ARID5B: variants seen among roughly 807,000 people sequenced by gnomAD.
ARID5B encodes the protein AT-rich interaction domain 5B, also known as AT-rich interactive domain-containing protein 5B.
Under a neutral mutation model 97.2 loss-of-function variants are expected in ARID5B, and 13 were observed. The ratio of observed to expected loss-of-function variants is 0.13; its 90% confidence interval spans 0.09 to 0.21. The LOEUF (loss-of-function observed/expected upper bound fraction) is 0.21. Ranked by LOEUF, ARID5B falls within the 10% of genes least tolerant of loss-of-function variation. The probability of loss-of-function intolerance (pLI) is 1.00; values close to 1 mark genes in which losing one functional copy is unlikely to be tolerated. For missense variants in ARID5B, 1,210 were observed against 1,465.3 expected (o/e 0.83, Z 2.84); for synonymous variants, 556 against 570.3 (o/e 0.97, Z 0.36).
At chr10:62,067,233 CG>C (rs1840004953) in intron 7 of ARID5B, among the ~76,000 whole-genome samples, 1 of 152,094 alleles carries the variant, frequency 6.6e-6, no homozygotes, top group Non-Finnish European at 1.5e-5. Context: ...TACAGGCATG[CG>C]CCACCACCCC....
chr10:62,092,046 G>A lies in ARID5B; in HGVS notation c.2583G>A (p.Met861Ile). 6.2e-7 allele frequency: 1 copy of A among 1,614,118 alleles called. No individual in the cohort carries two copies. Residue 861 changes from methionine to isoleucine, a missense_variant, in exon 10 of 10, where the codon ATG becomes ATA. Met to Ile is a conservative substitution (Grantham distance 10). Transcript: ENST00000279873. ...CATCCAAATACCCTTCCAGGGACATGTACAGGGAATCGGAAAACAGTTCTT... is the reference window on the plus strand; with the variant it reads ...CATCCAAATACCCTTCCAGGGACATATACAGGGAATCGGAAAACAGTTCTT... ...EQTSKYPSRD[M>I]YRESENSSFP...
chr10:62,050,946 A>T lies in ARID5B; in HGVS notation c.792A>T (p.Ser264=). The T allele has an allele frequency of 6.2e-7, 1 of 1,614,226 alleles. No individual in the cohort carries two copies. Among genetic ancestry groups the T allele is most frequent in the Non-Finnish European group, 8.5e-7 (1 of 1,180,018 alleles). Residue 264 remains serine (S), a synonymous_variant, in exon 5 of 10, where the codon TCA becomes TCT. Coordinates refer to ENST00000279873, the MANE Select transcript of ARID5B (RefSeq NM_032199.3). ...KKKPCPQRRD[S]FSGVKDSNNN... ...AACCATGCCCACAAAGAAGAGATTC[A>T]TTCAGTGGTGTTAAGGATTCCAACA...
chr10:61,965,620 A>T (rs1318693533), intron 3 of ARID5B, among the ~76,000 whole-genome samples: 2 of 152,092 alleles, frequency 1.3e-5, no homozygotes, highest in Non-Finnish European at 2.9e-5. Context: ...CAGAAAAAAA[A>T]TTTTTTTCTA....
intron 2 of ARID5B, among the ~76,000 whole-genome samples, chr10:61,926,994 A>G (rs970190138): frequency 4.6e-5 from 7 of 152,098 alleles, no homozygotes; most frequent in African/African-American, 1.4e-4. Flanking sequence ...CAAAAACCAC[A>G]ATGACTTTTA....
chr10:62,056,706 C>T (rs1309014818), intron 5 of ARID5B, among the ~76,000 whole-genome samples: 1 of 152,122 alleles, frequency 6.6e-6, no homozygotes, highest in Admixed American at 6.5e-5. Flanking sequence ...TCTCTCATTT[C>T]ACATCAACAT....
At chr10:61,984,508 G>T (rs1838820014) in intron 3 of ARID5B, among the ~76,000 whole-genome samples, 1 of 152,204 alleles carries the variant, frequency 6.6e-6, no homozygotes, top group Non-Finnish European at 1.5e-5. Context: ...CATTGAACGT[G>T]GTCTTCCTTG....
chr10:62,092,873 C>G lies in ARID5B; in HGVS notation c.3410C>G (p.Ser1137Cys). The G allele has an allele frequency of 1.9e-6, 3 of 1,614,236 alleles. No homozygotes were observed. Among genetic ancestry groups the G allele is most frequent in the Non-Finnish European group, 2.5e-6 (3 of 1,180,038 alleles). The change falls in exon 10 of 10, where the codon TCT becomes TGT. Residue 1137 changes from serine (S) to cysteine (C), a missense_variant. Physicochemically the swap from Ser to Cys is moderately radical, Grantham distance 112 (BLOSUM62 -1). Coordinates refer to ENST00000279873, the MANE Select transcript of ARID5B (RefSeq NM_032199.3). ...QRGIFTSPTN[S>C]QQLYRHLAAA... ...GGAATTTTTACATCACCGACAAATT[C>G]TCAGCAGCTGTACAGACACTTGGCT...
intron 3 of ARID5B, among the ~76,000 whole-genome samples, chr10:61,964,418 C>A (rs1222675262): frequency 6.6e-6 from 1 of 152,186 alleles, no homozygotes; most frequent in Non-Finnish European, 1.5e-5. Context: ...GGGCAGGAAT[C>A]TGTCTAGTTT....
intron 4 of ARID5B, among the ~76,000 whole-genome samples, chr10:62,023,134 C>T (rs1182230767): frequency 2.6e-5 from 4 of 152,216 alleles, no homozygotes; most frequent in Non-Finnish European, 2.9e-5. Flanking sequence ...CTGTTTCACA[C>T]CCCTTACTAT....
At chr10:62,064,807 T>C (rs1227667049) in intron 7 of ARID5B, among the ~76,000 whole-genome samples, 1 of 152,162 alleles carries the variant, frequency 6.6e-6, no homozygotes, top group East Asian at 1.9e-4. Context: ...AGTCCCTCTC[T>C]GTGTTACCCA....
intron 2 of ARID5B, among the ~76,000 whole-genome samples, chr10:61,915,687 G>A (rs992283586): frequency 4.6e-5 from 7 of 152,148 alleles, no homozygotes; most frequent in African/African-American, 1.4e-4. Context: ...TTGAAAACAC[G>A]GCAAGCTAAG....
At chr10:62,014,951 C>T (rs1014812205) in intron 4 of ARID5B, among the ~76,000 whole-genome samples, 1 of 152,150 alleles carries the variant, frequency 6.6e-6, no homozygotes, top group Non-Finnish European at 1.5e-5. Context: ...TTTCTGTTCT[C>T]ACATACTTGC....
At chr10:61,996,393 T>C (rs765825512) in intron 3 of ARID5B, among the ~76,000 whole-genome samples, 4 of 152,092 alleles carry the variant, frequency 2.6e-5, no homozygotes, top group Admixed American at 1.3e-4. Flanking sequence ...TTTATCCTAA[T>C]GAAAAGTCCA....
intron 3 of ARID5B, among the ~76,000 whole-genome samples, chr10:61,995,693 G>A (rs1423168856): frequency 6.6e-6 from 1 of 152,080 alleles, no homozygotes; most frequent in Non-Finnish European, 1.5e-5. Flanking sequence ...GAAGAGACCT[G>A]GACCCAGACT....
At chr10:61,921,192 G>A (rs1844008410) in intron 2 of ARID5B, among the ~76,000 whole-genome samples, 1 of 152,194 alleles carries the variant, frequency 6.6e-6, no homozygotes, top group Middle Eastern at 3.2e-3. Flanking sequence ...TTGTGTAACA[G>A]ATTACCCCAG....
intron 2 of ARID5B, among the ~76,000 whole-genome samples, chr10:61,902,689 GTGTGTGTGTGTGTA>G (rs1229761805): frequency 2.4e-3 from 367 of 150,464 alleles, no homozygotes; most frequent in African/African-American, 8.5e-3. Flanking sequence ...GTGTGTGTGT[GTGTGTGTGTGTGTA>G]TGTGTGTGTG....
At chr10:61,964,992 T>A (rs1838522740) in intron 3 of ARID5B, among the ~76,000 whole-genome samples, 1 of 152,220 alleles carries the variant, frequency 6.6e-6, no homozygotes, top group Non-Finnish European at 1.5e-5. Context: ...AGCCTAGATA[T>A]ACTTTAACTT....
intron 4 of ARID5B, among the ~76,000 whole-genome samples, chr10:62,025,686 G>A (rs1000445206): frequency 1.3e-5 from 2 of 152,070 alleles, no homozygotes; most frequent in African/African-American, 2.4e-5. Flanking sequence ...TCAAGTCACT[G>A]CATGTTGAGA....
In ARID5B at chr10:61,986,562, C is replaced by T. The variant is rs186391688; in HGVS notation, c.503-13529C>T. On this transcript the variant is annotated intron_variant, in intron 3 of 9. Transcript: ENST00000279873. ...AAAAAAGTGGGGGAGGGTGAGGAAG[C>T]GGATGGGAGAGGATTTCATGGTAAA... is the stretch of plus-strand genomic sequence containing the variant. Among the ~76,000 whole-genome samples, 340 of 152,090 alleles carry T rather than the reference C, an allele frequency of 2.2e-3. 2 individuals carry two copies. The highest frequency in any genetic ancestry group is 6.6e-3 in the South Asian group (32 of 4,814).
Sources: allele counts gnomAD v4.1 joint callset (sites outside exome capture counted in the v4.1 genomes callset), GRCh38; gene constraint gnomAD v4.1.1; transcripts MANE v1.5; gene names NCBI Gene and HGNC (gene_info 2026-07-23, HGNC 2026-07-21).